RAB3B: variants seen among roughly 807,000 people sequenced by gnomAD.
RAB3B encodes the protein ras-related protein Rab-3B.
In RAB3B, 11 loss-of-function variants were observed where a neutral mutation model predicts 20.5. The observed-to-expected ratio is 0.54, with a 90% confidence interval of 0.34 to 0.89. RAB3B has a LOEUF of 0.89. Ranked by LOEUF, RAB3B falls within the 40% of genes least tolerant of loss-of-function variation. RAB3B has a pLI of 0.02. For missense variants in RAB3B, 225 were observed against 280.9 expected, an observed-to-expected ratio of 0.80 and a Z score of 1.42; for synonymous variants, 99 against 106.3, an observed-to-expected ratio of 0.93 and a Z score of 0.42.
intron 2 of RAB3B, among the ~76,000 whole-genome samples, chr1:51,956,428 A>G (rs1684707392): frequency 6.6e-6 from 1 of 152,200 alleles, no homozygotes; most frequent in Admixed American, 6.5e-5. Context: ...CCAGGTTAGC[A>G]AATGTCAGAG....
chr1:51,926,582 G>A (rs981307970), intron 4 of RAB3B, among the ~76,000 whole-genome samples: 1 of 152,176 alleles, frequency 6.6e-6, no homozygotes, highest in African/African-American at 2.4e-5. Context: ...TATGTAATGA[G>A]TGAGAAAGAA....
chr1:51,947,203 C>T (rs1440898709), intron 2 of RAB3B, among the ~76,000 whole-genome samples: 2 of 152,120 alleles, frequency 1.3e-5, no homozygotes, highest in African/African-American at 4.8e-5. Flanking sequence ...CAAGACCAGC[C>T]TGGGCAATAT....
At chr1:51,960,603 C>T (rs139080473) in intron 2 of RAB3B, among the ~76,000 whole-genome samples, 49 of 152,252 alleles carry the variant, frequency 3.2e-4, no homozygotes, top group African/African-American at 1.2e-3. Context: ...ATGGCCTCCC[C>T]CATCCCACCC....
intron 4 of RAB3B, among the ~76,000 whole-genome samples, chr1:51,929,330 C>CTTTTTTTTTTTT (rs956055193): frequency 1.4e-3 from 209 of 151,178 alleles, no homozygotes; most frequent in South Asian, 2.8e-3. Flanking sequence ...CATTCTCTCC[C>CTTTTTTTTTTTT]TTTTTTTTTC....
chr1:51,960,555 G>C lies in RAB3B; in HGVS notation c.228+16335C>G, dbSNP rs1194064794. On this transcript the variant is annotated intron_variant, in intron 2 of 4. Coordinates refer to ENST00000371655, the MANE Select transcript of RAB3B (RefSeq NM_002867.4). ...TTGGGCAACGGTGTGGGGGAAGGAG[G>C]ATTCTGCAGAAGGAAGGGATTATAA... Among the ~76,000 whole-genome samples, 3 of 152,132 alleles carry C rather than the reference G, an allele frequency of 2.0e-5. No individual in the cohort carries two copies. In the East Asian group the frequency reaches 5.8e-4, roughly 29 times the overall value.
rs1428066730 is a variant in RAB3B at position 51,907,960 on chromosome 1, A to G, written c.*11967T>C. On this transcript the variant is annotated 3_prime_UTR_variant, in exon 5 of 5. Coordinates refer to ENST00000371655, the MANE Select transcript of RAB3B (RefSeq NM_002867.4). ...AGAGTCACTCTACAAATGATACACA[A>G]TTCAGAAGAACTTTAATGCATATAC... 2.0e-5 allele frequency: 3 copies of G among 152,158 alleles called. No individual in the cohort carries two copies. Among genetic ancestry groups the G allele is most frequent in the Non-Finnish European group, 4.4e-5 (3 of 68,030 alleles). The allele number at this position is 152,158 out of a possible 1,614,324, so 9.4% of individuals were successfully genotyped here.
rs12030850 is a variant in RAB3B, at chr1:51,964,747, T to G, written c.228+12143A>C. Among the ~76,000 whole-genome samples, 1,245 of 152,298 alleles carry G rather than the reference T, an allele frequency of 8.2e-3. 35 individuals are homozygous for G. The highest frequency in any genetic ancestry group is 0.08 in the East Asian group (417 of 5,188). The stretch of plus-strand genomic sequence containing the variant: ...CCACATCTAATTCAATATTCAGTAT[T>G]TTCAACATACATGCAAAATCTGACT... On this transcript the variant is annotated intron_variant, in intron 2 of 4. Transcript: ENST00000371655.
chr1:51,934,689 T>A (rs1684372386), intron 3 of RAB3B, among the ~76,000 whole-genome samples: 1 of 136,366 alleles, frequency 7.3e-6, no homozygotes, highest in Non-Finnish European at 1.5e-5. Flanking sequence ...GGCAGGAGAA[T>A]GGCGTGAACC....
At position 51,937,446 on chromosome 1, in the gene RAB3B, A is replaced by G. The variant is rs145587536; in HGVS notation, c.229-34T>C. On this transcript the variant is annotated intron_variant, in intron 2 of 4. Coordinates refer to ENST00000371655, the MANE Select transcript of RAB3B (RefSeq NM_002867.4). ...GAAAAGAAAAGAAACAATCTCTTAG[A>G]AAGTCTGCTTTGGTTCCTAAAAAGT... 1,845 of 1,469,852 alleles carry G rather than the reference A, an allele frequency of 1.3e-3. 2 individuals are homozygous for G. Among genetic ancestry groups the G allele is most frequent in the Middle Eastern group, 3.9e-3 (22 of 5,606 alleles). The allele number at this position is 1,469,852 out of a possible 1,614,324, so 91.1% of individuals were successfully genotyped here. A position where few individuals can be genotyped will look rare whatever the true frequency, so the allele number is the denominator to read the frequency against.
Position 51,919,084 on chromosome 1 carries a change from C to T in RAB3B, c.*843G>A, listed in dbSNP as rs1684129704. 1 of 151,076 alleles carries T rather than the reference C, an allele frequency of 6.6e-6. No homozygotes were observed. Among genetic ancestry groups the T allele is most frequent in the Non-Finnish European group, 1.5e-5 (1 of 67,806 alleles). The allele number at this position is 151,076 out of a possible 1,614,324, so 9.4% of individuals were successfully genotyped here. A position where few individuals can be genotyped will look rare whatever the true frequency, so the allele number is the denominator to read the frequency against. On this transcript the variant is annotated 3_prime_UTR_variant, in exon 5 of 5. Coordinates refer to ENST00000371655, the MANE Select transcript of RAB3B (RefSeq NM_002867.4). Reference sequence around the variant, plus strand: ...CTGCAAGCTCCGCTTCCCGGGTTCACGCCATTCTCCTGCCTCAGCCTCCCG... The same window carrying T: ...CTGCAAGCTCCGCTTCCCGGGTTCATGCCATTCTCCTGCCTCAGCCTCCCG...
At chr1:51,980,429 C>CA (rs374673437) in intron 1 of RAB3B, 64,745 of 374,954 alleles carry the variant, frequency 0.17, 74 homozygotes, top group East Asian at 0.24. Context: ...CTGTCTCTAC[C>CA]AAAAAAAAAA....
At position 51,915,655 on chromosome 1, in the gene RAB3B, G is replaced by A. The variant is rs756546659; in HGVS notation, c.*4272C>T. On this transcript the variant is annotated 3_prime_UTR_variant, in exon 5 of 5. Transcript: ENST00000371655. ...GTATTGCACTTTTGGCCACTTTTGC[G>A]TCTTTAGAAGTCAAGAGGTGTTTTT... The A allele has an allele frequency of 4.0e-5, 6 of 148,648 alleles. No individual in the cohort carries two copies. The highest frequency in any genetic ancestry group is 9.8e-5 in the African/African-American group (4 of 40,758). The allele number at this position is 148,648 out of a possible 1,614,324, so 9.2% of individuals were successfully genotyped here.
At chr1:51,946,907 A>C (rs1684572795) in intron 2 of RAB3B, among the ~76,000 whole-genome samples, 1 of 152,212 alleles carries the variant, frequency 6.6e-6, no homozygotes, top group Admixed American at 6.5e-5. Flanking sequence ...AGTTCATTTC[A>C]GACTGAGATT....
chr1:51,987,767 G>A (rs964401627), intron 1 of RAB3B, among the ~76,000 whole-genome samples: 5 of 152,172 alleles, frequency 3.3e-5, no homozygotes, highest in Admixed American at 6.5e-5. Flanking sequence ...CATATATACC[G>A]AAATCCACGC....
At chr1:51,971,010 CAAAAAAA>C (rs3074914) in intron 2 of RAB3B, among the ~76,000 whole-genome samples, 6 of 55,728 alleles carry the variant, frequency 1.1e-4, no homozygotes, top group Admixed American at 1.8e-4. Flanking sequence ...GACTCCGTCT[CAAAAAAA>C]AAAAAAAAAA....
At chr1:51,965,180 C>T (rs1557973657) in intron 2 of RAB3B, among the ~76,000 whole-genome samples, 1 of 150,770 alleles carries the variant, frequency 6.6e-6, no homozygotes. Context: ...GATTGCGCCA[C>T]TGCACTTCCA....
At chr1:51,933,898 T>C (rs560471069) in intron 3 of RAB3B, among the ~76,000 whole-genome samples, 1 of 152,312 alleles carries the variant, frequency 6.6e-6, no homozygotes, top group African/African-American at 2.4e-5. Flanking sequence ...ACATCCAAGT[T>C]ATTGCCAATT....
intron 1 of RAB3B, chr1:51,980,734 T>A (rs1027582005): frequency 1.9e-5 from 14 of 755,614 alleles, no homozygotes; most frequent in Admixed American, 1.7e-4. Flanking sequence ...CAGGAATCGA[T>A]CTCATGAAGC....
chr1:51,933,334 G>A lies in RAB3B; in HGVS notation c.456C>T (p.Leu152=), dbSNP rs758953022. ...TGTACATACCAAGCTGCTCTGCAAG[G>A]AGCTGGCCCTTCTCAGTGGGAACAA... is the stretch of plus-strand genomic sequence containing the variant. ...ERVVPTEKGQ[L]LAEQLGFDFF... The change falls in exon 4 of 5, where the codon CTC becomes CTT. Residue 152 remains leucine, a synonymous_variant. Coordinates refer to ENST00000371655, the MANE Select transcript of RAB3B (RefSeq NM_002867.4). 5 of 1,613,944 alleles carry A rather than the reference G, an allele frequency of 3.1e-6. No individual in the cohort carries two copies. Among genetic ancestry groups the A allele is most frequent in the South Asian group, 1.1e-5 (1 of 91,064 alleles).
Sources: allele counts gnomAD v4.1 joint callset (sites outside exome capture counted in the v4.1 genomes callset), GRCh38; gene constraint gnomAD v4.1.1; transcripts MANE v1.5; gene names NCBI Gene and HGNC (gene_info 2026-07-23, HGNC 2026-07-21).